KLF7: variants seen among roughly 807,000 people sequenced by gnomAD.
KLF7 encodes the protein Krueppel-like factor 7.
A neutral mutation model predicts 27.3 loss-of-function variants in KLF7; 2 were observed. The ratio of observed to expected loss-of-function variants is 0.07; its 90% CI spans 0.03 to 0.23. KLF7 has a LOEUF of 0.23. Ranked by LOEUF, KLF7 falls within the 10% of genes least tolerant of loss-of-function variation. KLF7 has a pLI of 1.00. For missense variants in KLF7, 221 were observed against 394.1 expected, an observed-to-expected ratio of 0.56 and a Z score of 3.72; for synonymous variants, 165 against 162.4, an observed-to-expected ratio of 1.02 and a Z score of -0.12.
intron 1 of KLF7, chr2:207,134,135 G>A: frequency 1.3e-6 from 2 of 1,493,352 alleles, no homozygotes; most frequent in Non-Finnish European, 1.8e-6. Flanking sequence ...ACTTGCACAG[G>A]CTGACTCGGG....
At chr2:207,081,479 C>T (rs2076270398) in intron 3 of KLF7, among the ~76,000 whole-genome samples, 1 of 152,182 alleles carries the variant, frequency 6.6e-6, no homozygotes, top group Non-Finnish European at 1.5e-5. Context: ...GCACATTAAC[C>T]TGTCTGTACT....
upstream of KLF7, chr2:207,166,786 C>G (rs1236436935): frequency 1.0e-6 from 1 of 994,954 alleles, no homozygotes; most frequent in Non-Finnish European, 1.2e-6. Flanking sequence ...GCATCCAGGG[C>G]CCCTTCCCGA....
Position 207,081,576 on chromosome 2 carries a change from G to A in KLF7, c.858-312C>T, listed in dbSNP as rs149717841. Among the ~76,000 whole-genome samples, 5 of 152,246 alleles carry A rather than the reference G, an allele frequency of 3.3e-5. No homozygotes were observed. In the East Asian group the frequency reaches 7.7e-4, roughly 24 times the overall value. ...GATTAAATGAGATGATCTATGCAAG[G>A]TACTTAGAATACGGACTGGCACATC... On this transcript the variant is annotated intron_variant, in intron 3 of 3. Transcript: ENST00000309446.
At chr2:207,131,663 G>C (rs139753827) in intron 1 of KLF7, among the ~76,000 whole-genome samples, 1 of 152,290 alleles carries the variant, frequency 6.6e-6, no homozygotes, top group Non-Finnish European at 1.5e-5. Flanking sequence ...TGATACTGAT[G>C]GGAACTTTGT....
intron 2 of KLF7, among the ~76,000 whole-genome samples, chr2:207,106,440 A>G (rs2076885217): frequency 6.6e-6 from 1 of 152,234 alleles, no homozygotes; most frequent in Non-Finnish European, 1.5e-5. Flanking sequence ...TTTAGAAAGC[A>G]GTGCCCATGA....
chr2:207,090,679 C>G (rs1574427092), intron 2 of KLF7, among the ~76,000 whole-genome samples: 1 of 152,148 alleles, frequency 6.6e-6, no homozygotes, highest in South Asian at 2.1e-4. Flanking sequence ...ATATTAGAAA[C>G]AGAGAGTCTT....
chr2:207,166,178 G>A, upstream of KLF7: 1 of 986,134 alleles, frequency 1.0e-6, no homozygotes. Context: ...CGTCCATTAG[G>A]CCGCGTGTGA....
chr2:207,083,397 T>C lies in KLF7; in HGVS notation c.858-2133A>G, dbSNP rs575955011. 5.3e-5 allele frequency among the ~76,000 whole-genome samples: 8 copies of C among 152,344 alleles called. No individual in the cohort carries two copies. The South Asian group carries it at 1.7e-3, about 32-fold the overall frequency. ...AGAAAGAAGATCCAAGTTGGGACATTCTGTTTGTAGGTATTTCTTTTTTAA... is the reference window on the plus strand; with the variant it reads ...AGAAAGAAGATCCAAGTTGGGACATCCTGTTTGTAGGTATTTCTTTTTTAA... On this transcript the variant is annotated intron_variant, in intron 3 of 3. Transcript: ENST00000309446.
upstream of KLF7, among the ~76,000 whole-genome samples, chr2:207,171,419 C>CATAAAATGAGTTGATA (rs1239997196): frequency 1.3e-5 from 2 of 152,244 alleles, no homozygotes; most frequent in Non-Finnish European, 2.9e-5. Context: ...AAGGTAATCA[C>CATAAAATGAGTTGATA]AGGGTTTGAG....
At chr2:207,168,113 A>C (rs538178545), upstream of KLF7, among the ~76,000 whole-genome samples, 18 of 152,172 alleles carry the variant, frequency 1.2e-4, no homozygotes, top group Non-Finnish European at 2.4e-4. Flanking sequence ...TTCATGAATA[A>C]TAGGGGAAGG....
chr2:207,152,883 G>A lies in KLF7; in HGVS notation c.102+12584C>T, dbSNP rs188820705. Reference sequence around the variant, plus strand: ...CTGGGCCAGAGATCAGAAATTAAGCGAGGTGGAAATAGTGGGGACAGGGTT... The same window carrying A: ...CTGGGCCAGAGATCAGAAATTAAGCAAGGTGGAAATAGTGGGGACAGGGTT... On this transcript the variant is annotated intron_variant, in intron 1 of 3. Coordinates refer to ENST00000309446, the MANE Select transcript of KLF7 (RefSeq NM_003709.4). Among the ~76,000 whole-genome samples, 31 of 152,268 alleles carry A rather than the reference G, an allele frequency of 2.0e-4. No individual in the cohort carries two copies. The East Asian group carries it at 5.0e-3, about 25-fold the overall frequency.
chr2:207,098,778 ATTTTTTTTTTT>A (rs1182598901), intron 2 of KLF7, among the ~76,000 whole-genome samples: 1 of 104,694 alleles, frequency 9.6e-6, no homozygotes, highest in Non-Finnish European at 1.8e-5. Context: ...CACTTGGCTA[ATTTTTTTTTTT>A]TTTTTTTTTT....
At chr2:207,087,097 A>G (rs527989112) in intron 3 of KLF7, among the ~76,000 whole-genome samples, 1 of 152,330 alleles carries the variant, frequency 6.6e-6, no homozygotes, top group Non-Finnish European at 1.5e-5. Flanking sequence ...ATTCATGTAA[A>G]TACAGGAGGA....
At chr2:207,119,535 A>G (rs2077279592) in intron 2 of KLF7, among the ~76,000 whole-genome samples, 1 of 152,162 alleles carries the variant, frequency 6.6e-6, no homozygotes, top group African/African-American at 2.4e-5. Context: ...CAAGAAGATG[A>G]ATACAACTAT....
intron 2 of KLF7, among the ~76,000 whole-genome samples, chr2:207,116,702 C>A (rs1349989225): frequency 6.6e-6 from 1 of 152,054 alleles, no homozygotes; most frequent in African/African-American, 2.4e-5. Flanking sequence ...TTACACTTGG[C>A]CTTCTCAATG....
intron 3 of KLF7, among the ~76,000 whole-genome samples, chr2:207,085,979 T>C (rs1342158053): frequency 2.2e-5 from 3 of 134,318 alleles, no homozygotes; most frequent in Non-Finnish European, 4.8e-5. Flanking sequence ...CGATTTTAAA[T>C]GTTGGCCAAA....
intron 1 of KLF7, among the ~76,000 whole-genome samples, chr2:207,158,472 T>C (rs1168456772): frequency 1.3e-5 from 2 of 152,206 alleles, no homozygotes; most frequent in Non-Finnish European, 1.5e-5. Flanking sequence ...ACTCTCTTTG[T>C]TGGTGAGGTG....
At chr2:207,118,253 C>T (rs1258391990) in intron 2 of KLF7, among the ~76,000 whole-genome samples, 1 of 152,090 alleles carries the variant, frequency 6.6e-6, no homozygotes, top group African/African-American at 2.4e-5. Flanking sequence ...TGGCATGTCT[C>T]TCTTTAACAC....
intron 2 of KLF7, among the ~76,000 whole-genome samples, chr2:207,109,570 A>G (rs2076972821): frequency 6.6e-6 from 1 of 152,220 alleles, no homozygotes; most frequent in Non-Finnish European, 1.5e-5. Context: ...GATGTATGTG[A>G]AACACTTGGC....
Sources: gnomAD v4.1 joint callset for allele counts (sites outside exome capture counted in the v4.1 genomes callset) on GRCh38, gnomAD v4.1.1 for gene constraint, MANE v1.5 for transcripts, NCBI Gene and HGNC (gene_info 2026-07-23, HGNC 2026-07-21) for gene names.